EGFR: variants seen among roughly 807,000 people sequenced by gnomAD.
EGFR encodes the protein avian erythroblastic leukemia viral (v-erb-b) oncogene homolog.
In EGFR, 58 loss-of-function variants were observed where a neutral mutation model predicts 143.0. The observed-to-expected ratio is 0.41, with a 90% CI of 0.33 to 0.50. The LOEUF is 0.50. EGFR is among the 20% of genes least tolerant of loss of function. The probability of loss-of-function intolerance (pLI) is 0.39; values close to 1 mark genes in which losing one functional copy is unlikely to be tolerated. For synonymous variants in EGFR, 613 were observed against 594.4 expected, an observed-to-expected ratio of 1.03 and a Z score of -0.45; for missense variants, 1,307 against 1,579.0, an observed-to-expected ratio of 0.83 and a Z score of 2.92.
chr7:55,101,545 A>G (rs1791826589), intron 1 of EGFR, among the ~76,000 whole-genome samples: 1 of 152,126 alleles, frequency 6.6e-6, no homozygotes, highest in South Asian at 2.1e-4. Context: ...CTTCCTTTTA[A>G]GGTGCAGTTG....
chr7:55,048,882 G>A (rs1788326380), intron 1 of EGFR, among the ~76,000 whole-genome samples: 1 of 152,160 alleles, frequency 6.6e-6, no homozygotes, highest in Admixed American at 6.5e-5. Flanking sequence ...AATTTAAGGA[G>A]CATGTGAGTG....
intron 20 of EGFR, chr7:55,181,680 C>G: frequency 1.5e-6 from 1 of 655,894 alleles, no homozygotes; most frequent in East Asian, 2.7e-5. Flanking sequence ...CATGTGGAAA[C>G]TCTCATCAAT....
chr7:55,166,106 T>C (rs1785965236), intron 15 of EGFR, among the ~76,000 whole-genome samples: 1 of 151,716 alleles, frequency 6.6e-6, no homozygotes, highest in Admixed American at 6.6e-5. Context: ...AGCCAAGATC[T>C]CGCCACTGCA....
chr7:55,151,827 T>C (rs534455489), intron 5 of EGFR, among the ~76,000 whole-genome samples: 3 of 152,256 alleles, frequency 2.0e-5, no homozygotes, highest in Non-Finnish European at 4.4e-5. Flanking sequence ...TGAGCCGAGA[T>C]TGTGCCACTG....
chr7:55,079,175 G>A (rs1790315328), intron 1 of EGFR, among the ~76,000 whole-genome samples: 1 of 152,094 alleles, frequency 6.6e-6, no homozygotes, highest in Admixed American at 6.5e-5. Flanking sequence ...GCGGGGGCGG[G>A]AAAACTTACC....
rs2128938094 is a variant in EGFR, at chr7:55,156,515, T to C, written c.1007-18T>C. On this transcript the variant is annotated intron_variant, in intron 8 of 27. Transcript: ENST00000275493. The stretch of plus-strand genomic sequence containing the variant: ...CCAACAAATGTGAACGGAATACACG[T>C]CTCTCTTATCTCTGCAGTGTGTAAC... 3 of 1,613,998 alleles carry C rather than the reference T, an allele frequency of 1.9e-6. No individual in the cohort carries two copies. The highest frequency in any genetic ancestry group is 3.3e-5 in the Admixed American group (2 of 60,032).
At chr7:55,025,243 C>T (rs1786812567) in intron 1 of EGFR, among the ~76,000 whole-genome samples, 1 of 152,092 alleles carries the variant, frequency 6.6e-6, no homozygotes, top group African/African-American at 2.4e-5. Flanking sequence ...GCAGGAGTGG[C>T]ATTGGAAACA....
At chr7:55,134,814 C>T (rs1269467492) in intron 1 of EGFR, among the ~76,000 whole-genome samples, 1 of 152,246 alleles carries the variant, frequency 6.6e-6, no homozygotes. Flanking sequence ...GCCTCAGTGT[C>T]ATGCTCCATA....
intron 1 of EGFR, among the ~76,000 whole-genome samples, chr7:55,077,790 T>C (rs994628119): frequency 6.6e-6 from 1 of 152,094 alleles, no homozygotes; most frequent in Admixed American, 6.5e-5. Context: ...TAAATGCTCT[T>C]AAAAAAGAAA....
At position 55,191,798 on chromosome 7, in the gene EGFR, A is replaced by G. The variant is rs2128964558; in HGVS notation, c.2549A>G (p.His850Arg). Residue 850 changes from histidine (H) to arginine (R), a missense_variant, in exon 21 of 28, where the codon CAT (histidine) becomes CGT (arginine). His to Arg is a conservative substitution (Grantham distance 29). This residue lies in a region of EGFR where 348 missense variants were observed against 451.5 expected (regional missense o/e 0.77). Transcript: ENST00000275493. Reference sequence around the variant, plus strand: ...AACGTACTGGTGAAAACACCGCAGCATGTCAAGATCACAGATTTTGGGCTG... The same window carrying G: ...AACGTACTGGTGAAAACACCGCAGCGTGTCAAGATCACAGATTTTGGGCTG... ...ARNVLVKTPQ[H>R]VKITDFGLAK... is the part of the protein sequence containing the mutation. The G allele has an allele frequency of 1.2e-6, 2 of 1,614,126 alleles. No individual in the cohort carries two copies. The highest frequency in any genetic ancestry group is 1.7e-6 in the Non-Finnish European group (2 of 1,180,028).
chr7:55,147,739 C>T (rs932177059), intron 4 of EGFR, among the ~76,000 whole-genome samples: 14 of 152,192 alleles, frequency 9.2e-5, no homozygotes, highest in Admixed American at 8.5e-4. Context: ...TTTTATCTTG[C>T]AAAGCTGAAA....
At chr7:55,122,272 C>T (rs745335563) in intron 1 of EGFR, among the ~76,000 whole-genome samples, 5 of 152,208 alleles carry the variant, frequency 3.3e-5, no homozygotes, top group Non-Finnish European at 7.3e-5. Context: ...CACCTGGCAG[C>T]TCCCATCTGG....
chr7:55,057,553 G>A (rs1006948429), intron 1 of EGFR, among the ~76,000 whole-genome samples: 1 of 152,356 alleles, frequency 6.6e-6, no homozygotes, highest in East Asian at 1.9e-4. Context: ...GAAAGGATAT[G>A]TGTGTGAGAG....
intron 1 of EGFR, among the ~76,000 whole-genome samples, chr7:55,066,283 G>A (rs141246291): frequency 6.6e-6 from 1 of 152,342 alleles, no homozygotes; most frequent in Admixed American, 6.5e-5. Context: ...TCATAATAGT[G>A]TGGCATTTGA....
At chr7:55,035,286 A>G (rs867636179) in intron 1 of EGFR, among the ~76,000 whole-genome samples, 3 of 152,186 alleles carry the variant, frequency 2.0e-5, no homozygotes, top group Admixed American at 2.0e-4. Context: ...ATTTATTTGG[A>G]CTTAATATTT....
intron 1 of EGFR, among the ~76,000 whole-genome samples, chr7:55,071,893 C>T (rs549775355): frequency 4.3e-4 from 65 of 152,208 alleles, no homozygotes; most frequent in Non-Finnish European, 6.8e-4. Flanking sequence ...AACACAGTTT[C>T]TGGGCAAGGC....
intron 1 of EGFR, among the ~76,000 whole-genome samples, chr7:55,132,350 T>G (rs1793895490): frequency 1.3e-5 from 2 of 152,196 alleles, no homozygotes; most frequent in Admixed American, 1.3e-4. Context: ...TGTTTCAGGA[T>G]TTTTGACTAT....
chr7:55,169,181 A>C (rs1786224449), intron 15 of EGFR, among the ~76,000 whole-genome samples: 1 of 151,564 alleles, frequency 6.6e-6, no homozygotes, highest in Admixed American at 6.6e-5. Flanking sequence ...GCTCACTGCA[A>C]CCTCCACCTC....
intron 4 of EGFR, 58 bp from the exon 5 acceptor site, chr7:55,151,236 G>T (rs1785135286): frequency 6.5e-7 from 1 of 1,535,434 alleles, no homozygotes; most frequent in Non-Finnish European, 9.0e-7. Flanking sequence ...CCGGGAAAGG[G>T]CGTCATCAGT....
Sources: gnomAD v4.1 joint callset for allele counts (sites outside exome capture counted in the v4.1 genomes callset) on GRCh38, gnomAD v4.1.1 for gene constraint, gnomAD v4.1.1 regional missense constraint, MANE v1.5 for transcripts, NCBI Gene and HGNC (gene_info 2026-07-23, HGNC 2026-07-21) for gene names.